ABCG2: variants seen among roughly 807,000 people sequenced by gnomAD.
ABCG2 encodes broad substrate specificity ATP-binding cassette transporter ABCG2.
ABCG2 carries 80 observed loss-of-function variants against 73.5 expected under a neutral mutation model. That is an observed-to-expected ratio of 1.09 (90% CI 0.91 to 1.31). ABCG2 has a LOEUF of 1.31. Among genes scored for constraint, ABCG2 ranks in the 50% most tolerant of loss-of-function variants. ABCG2 has a pLI of 0.00. For synonymous variants in ABCG2, 269 were observed against 282.4 expected (o/e 0.95, Z 0.48); for missense variants, 796 against 786.2 (o/e 1.01, Z -0.15).
chr4:88,121,570 A>G, intron 6 of ABCG2, 65 bp downstream of exon 6: 1 of 1,467,946 alleles, frequency 6.8e-7, no homozygotes, highest in Non-Finnish European at 9.2e-7. Context: ...CCCCTGCCCC[A>G]AGAATATCTG....
chr4:88,182,233 C>T (rs1158483937), intron 1 of ABCG2, among the ~76,000 whole-genome samples: 2 of 152,230 alleles, frequency 1.3e-5, no homozygotes, highest in South Asian at 2.1e-4. Flanking sequence ...CCCAACACTG[C>T]AGCACCCAAA....
intron 1 of ABCG2, among the ~76,000 whole-genome samples, chr4:88,165,963 A>G (rs1340574423): frequency 6.6e-6 from 1 of 152,130 alleles, no homozygotes; most frequent in Non-Finnish European, 1.5e-5. Context: ...GTAACCTATC[A>G]TTCACATTCT....
intron 9 of ABCG2, among the ~76,000 whole-genome samples, chr4:88,111,588 A>G (rs1723135570): frequency 6.6e-6 from 1 of 152,186 alleles, no homozygotes; most frequent in African/African-American, 2.4e-5. Context: ...TATATTTTAT[A>G]TATACTTAAG....
intron 5 of ABCG2, among the ~76,000 whole-genome samples, chr4:88,122,494 T>C (rs1435876245): frequency 6.6e-6 from 1 of 152,120 alleles, no homozygotes; most frequent in African/African-American, 2.4e-5. Flanking sequence ...GGGAGGGGCA[T>C]CCACCATTAC....
chr4:88,224,457 G>A (rs76269821), intron 1 of ABCG2, among the ~76,000 whole-genome samples: 4 of 89,030 alleles, frequency 4.5e-5, no homozygotes, highest in African/African-American at 1.8e-4. Flanking sequence ...AAAACAAAAA[G>A]CAGAAGATAA....
intron 1 of ABCG2, among the ~76,000 whole-genome samples, chr4:88,173,043 C>A (rs1292787872): frequency 6.6e-6 from 1 of 152,188 alleles, no homozygotes; most frequent in Non-Finnish European, 1.5e-5. Context: ...CAGTTTTTAA[C>A]ACATTAAGTA....
At chr4:88,228,664 T>C (rs1359912963) in intron 1 of ABCG2, among the ~76,000 whole-genome samples, 1 of 152,216 alleles carries the variant, frequency 6.6e-6, no homozygotes, top group African/African-American at 2.4e-5. Flanking sequence ...CAGCTGGACT[T>C]CCTGGGTCAA....
intron 1 of ABCG2, among the ~76,000 whole-genome samples, chr4:88,227,547 C>A (rs1430281584): frequency 6.6e-6 from 1 of 152,012 alleles, no homozygotes; most frequent in Non-Finnish European, 1.5e-5. Context: ...ACTAAAATCA[C>A]CTGGGAGCTT....
At chr4:88,147,042 A>G (rs1213017032) in intron 1 of ABCG2, among the ~76,000 whole-genome samples, 1 of 150,944 alleles carries the variant, frequency 6.6e-6, no homozygotes, top group Non-Finnish European at 1.5e-5. Context: ...AGAAAGAAAG[A>G]AAGAAAAGAA....
At chr4:88,191,758 A>T (rs1219219691) in intron 1 of ABCG2, among the ~76,000 whole-genome samples, 1 of 152,232 alleles carries the variant, frequency 6.6e-6, no homozygotes, top group Non-Finnish European at 1.5e-5. Context: ...TACTTATACA[A>T]TAAAAAATCG....
chr4:88,214,238 AG>A (rs1464652904), intron 1 of ABCG2, among the ~76,000 whole-genome samples: 1 of 151,844 alleles, frequency 6.6e-6, no homozygotes, highest in Non-Finnish European at 1.5e-5. Context: ...TACCCGCCTC[AG>A]CTTCCCAAAG....
intron 9 of ABCG2, among the ~76,000 whole-genome samples, chr4:88,109,948 T>C (rs1723021059): frequency 6.6e-6 from 1 of 152,088 alleles, no homozygotes; most frequent in Non-Finnish European, 1.5e-5. Context: ...GTTTTTTACT[T>C]TATTTTTTAT....
intron 1 of ABCG2, among the ~76,000 whole-genome samples, chr4:88,216,891 CGTG>C (rs1478715972): frequency 6.6e-6 from 1 of 151,758 alleles, no homozygotes; most frequent in Non-Finnish European, 1.5e-5. Context: ...ATTAGCTGGG[CGTG>C]GTGGTGGGCA....
upstream of ABCG2, chr4:88,158,791 G>T: frequency 2.9e-6 from 1 of 344,402 alleles, no homozygotes; most frequent in South Asian, 2.2e-5. Flanking sequence ...TGGAGGTCAC[G>T]ATGGGAGCCG....
At chr4:88,197,336 G>T (rs900957606) in intron 1 of ABCG2, among the ~76,000 whole-genome samples, 2 of 152,112 alleles carry the variant, frequency 1.3e-5, no homozygotes, top group Non-Finnish European at 2.9e-5. Flanking sequence ...TATGATAAAA[G>T]CTCTAATGGG....
chr4:88,165,590 G>T (rs1184748506), intron 1 of ABCG2, among the ~76,000 whole-genome samples: 2 of 152,172 alleles, frequency 1.3e-5, no homozygotes, highest in Non-Finnish European at 2.9e-5. Flanking sequence ...TTTGGGCCAG[G>T]TACATTCATC....
intron 9 of ABCG2, among the ~76,000 whole-genome samples, chr4:88,109,857 T>A (rs1381317492): frequency 2.0e-5 from 3 of 152,198 alleles, no homozygotes; most frequent in Admixed American, 6.5e-5. Flanking sequence ...TCATAAACCC[T>A]GAATCAGGAA....
chr4:88,133,068 G>A lies in ABCG2; in HGVS notation c.204-433C>T, dbSNP rs187177548. On this transcript the variant is annotated intron_variant, in intron 2 of 15. Transcript: ENST00000237612. ...TGGAAAATGACATTCAACATTTAAC[G>A]TTCCTTGAAATAACTAACAGATTCT... Among the ~76,000 whole-genome samples, 32 of 152,168 alleles carry A rather than the reference G, an allele frequency of 2.1e-4. No individual in the cohort carries two copies. In the East Asian group the frequency reaches 3.7e-3, roughly 17 times the overall value.
chr4:88,197,066 T>TA (rs999410698), intron 1 of ABCG2, among the ~76,000 whole-genome samples: 4 of 151,370 alleles, frequency 2.6e-5, no homozygotes, highest in African/African-American at 4.9e-5. Context: ...ACAGGCTTAC[T>TA]AAAAAAACCA....
Sources: allele counts gnomAD v4.1 joint callset (sites outside exome capture counted in the v4.1 genomes callset), GRCh38; gene constraint gnomAD v4.1.1; transcripts MANE v1.5; gene names NCBI Gene and HGNC (gene_info 2026-07-23, HGNC 2026-07-21).